Variants in PCDHGB2 observed in about 807,000 individuals in gnomAD.
PCDHGB2 encodes protocadherin gamma subfamily B, 2.
A neutral mutation model predicts 59.3 loss-of-function variants in PCDHGB2; 55 were observed. The ratio of observed to expected loss-of-function variants is 0.93; its 90% CI spans 0.75 to 1.16. PCDHGB2 has a LOEUF of 1.16. PCDHGB2 is among the 50% of genes most tolerant of loss of function. PCDHGB2 has a pLI of 0.00. For synonymous variants in PCDHGB2, 516 were observed against 512.0 expected (o/e 1.01, Z -0.11); for missense variants, 1,228 against 1,198.5 (o/e 1.02, Z -0.36).
At chr5:141,482,561 T>C (rs1411268228) in intron 1 of PCDHGB2, among the ~76,000 whole-genome samples, 3 of 136,978 alleles carry the variant, frequency 2.2e-5, no homozygotes, top group African/African-American at 8.6e-5. Flanking sequence ...ATAATGGAGA[T>C]CTGCATAGCA....
intron 1 of PCDHGB2, chr5:141,383,667 A>G (rs1167694570): frequency 1.9e-6 from 3 of 1,614,020 alleles, no homozygotes; most frequent in Non-Finnish European, 2.5e-6. Context: ...AGAATGTGCC[A>G]GTGGGTACAA....
chr5:141,400,709 G>A (rs1361669405), intron 1 of PCDHGB2: 1 of 696,272 alleles, frequency 1.4e-6, no homozygotes, highest in East Asian at 2.7e-5. Flanking sequence ...AAAAGAAGTA[G>A]CCTTATAGAT....
intron 1 of PCDHGB2, among the ~76,000 whole-genome samples, chr5:141,481,250 C>A (rs1160186962): frequency 2.6e-5 from 4 of 152,144 alleles, no homozygotes; most frequent in Non-Finnish European, 5.9e-5. Context: ...TAGCATAGCT[C>A]TAAAAGATCA....
In PCDHGB2 at chr5:141,414,653, A is replaced by G. The variant is rs2095771118; in HGVS notation, c.2421+52097A>G. ...AGCAAAGAGAATGCCCAGATTATTT[A>G]CTCCCTGGCTGAAGACACCATCCAG... On this transcript the variant is annotated intron_variant, in intron 1 of 3. Coordinates refer to ENST00000522605, the MANE Select transcript of PCDHGB2 (RefSeq NM_018923.3). 6.2e-7 allele frequency: 1 copy of G among 1,613,644 alleles called. No homozygotes were observed.
rs778209794 is a variant in PCDHGB2 at position 141,408,298 on chromosome 5, G to C, written c.2421+45742G>C. The C allele has an allele frequency of 4.3e-6, 7 of 1,613,586 alleles. No homozygotes were observed. The Admixed American group carries it at 5.0e-5, about 12-fold the overall frequency. ...TGTTCTACCCCACCCTGAGTGAGCCGATCCGCTACTCGATTCCGGAGGAGC... is the reference window on the plus strand; with the variant it reads ...TGTTCTACCCCACCCTGAGTGAGCCCATCCGCTACTCGATTCCGGAGGAGC... On this transcript the variant is annotated intron_variant, in intron 1 of 3. Coordinates refer to ENST00000522605, the MANE Select transcript of PCDHGB2 (RefSeq NM_018923.3).
intron 1 of PCDHGB2, chr5:141,364,713 A>G: frequency 6.2e-7 from 1 of 1,613,984 alleles, no homozygotes; most frequent in Non-Finnish European, 8.5e-7. Context: ...GATATTAATG[A>G]TAACTTCCCG....
chr5:141,469,697 T>G (rs2154570403), intron 1 of PCDHGB2, among the ~76,000 whole-genome samples: 1 of 152,392 alleles, frequency 6.6e-6, no homozygotes, highest in African/African-American at 2.4e-5. Context: ...TCCTATGACC[T>G]AGTAATCACA....
chr5:141,374,968 T>C, intron 1 of PCDHGB2: 2 of 1,614,056 alleles, frequency 1.2e-6, no homozygotes, highest in Non-Finnish European at 8.5e-7. Flanking sequence ...TCTGTTTGAA[T>C]GTTTTGACTG....
intron 1 of PCDHGB2, among the ~76,000 whole-genome samples, chr5:141,368,538 C>T (rs1004071983): frequency 6.6e-6 from 1 of 151,336 alleles, no homozygotes; most frequent in Admixed American, 6.6e-5. Context: ...ACTTGCTTTT[C>T]CATTTTTTTT....
intron 1 of PCDHGB2, among the ~76,000 whole-genome samples, chr5:141,481,215 G>T (rs1238465869): frequency 6.6e-6 from 1 of 152,152 alleles, no homozygotes; most frequent in Non-Finnish European, 1.5e-5. Context: ...AACATGGTAA[G>T]GTCTCCCAGC....
chr5:141,464,068 C>A (rs2099075218), intron 1 of PCDHGB2, among the ~76,000 whole-genome samples: 1 of 152,036 alleles, frequency 6.6e-6, no homozygotes, highest in Admixed American at 6.6e-5. Flanking sequence ...AGTTCAAGGC[C>A]AGCCTGGCCA....
chr5:141,431,553 A>T lies in PCDHGB2; in HGVS notation c.2422-63254A>T, dbSNP rs762863300. On this transcript the variant is annotated intron_variant, in intron 1 of 3. Coordinates refer to ENST00000522605, the MANE Select transcript of PCDHGB2 (RefSeq NM_018923.3). The surrounding 1 kb of genome is among the most constrained non-coding windows in gnomAD (Gnocchi z 4.8). Reference sequence around the variant, plus strand: ...TTGGGCACGCAGCTGCTTGTAGTCAACGCTACCGACCCTGACGAAGGAGTC... The same window carrying T: ...TTGGGCACGCAGCTGCTTGTAGTCATCGCTACCGACCCTGACGAAGGAGTC... The T allele has an allele frequency of 1.1e-5, 18 of 1,613,994 alleles. 1 individual carries two copies. Among genetic ancestry groups the T allele is most frequent in the Non-Finnish European group, 3.4e-6 (4 of 1,180,028 alleles).
intron 1 of PCDHGB2, among the ~76,000 whole-genome samples, chr5:141,439,341 G>A (rs1464427300): frequency 6.6e-6 from 1 of 152,166 alleles, no homozygotes; most frequent in East Asian, 1.9e-4. Context: ...AAGATTCTAA[G>A]CCTACAAATA....
At chr5:141,429,240 TGA>T (rs998506084) in intron 1 of PCDHGB2, 1 of 151,858 alleles carries the variant, frequency 6.6e-6, no homozygotes, top group Non-Finnish European at 1.5e-5. Context: ...CTGCTGTCAT[TGA>T]GATATTTTAA....
chr5:141,384,791 C>A (rs773450358), intron 1 of PCDHGB2: 22 of 1,613,424 alleles, frequency 1.4e-5, no homozygotes, highest in Non-Finnish European at 1.9e-5. Flanking sequence ...ACGGCTCGGG[C>A]CCTGCTGGAC....
At chr5:141,371,614 A>T in intron 1 of PCDHGB2, 2 of 1,614,024 alleles carry the variant, frequency 1.2e-6, no homozygotes, top group Non-Finnish European at 1.7e-6. Context: ...TTGGTGACAG[A>T]TGGAGCCCTG....
intron 1 of PCDHGB2, chr5:141,392,651 C>A: frequency 1.4e-6 from 1 of 708,948 alleles, no homozygotes; most frequent in Non-Finnish European, 2.2e-6. Context: ...CGAAGACCCG[C>A]AGATGCCACA....
chr5:141,399,488 TAGTC>T (rs778579612), intron 1 of PCDHGB2: 12 of 1,613,904 alleles, frequency 7.4e-6, no homozygotes, highest in Admixed American at 1.7e-5. Flanking sequence ...GCGTCCTACT[TAGTC>T]AGTGTACCCG....
Position 141,476,870 on chromosome 5 carries a change from C to T in PCDHGB2, c.2422-17937C>T, listed in dbSNP as rs2099400432. 3 of 1,613,772 alleles carry T rather than the reference C, an allele frequency of 1.9e-6. No individual in the cohort carries two copies. Among genetic ancestry groups the T allele is most frequent in the South Asian group, 1.1e-5 (1 of 91,094 alleles). On this transcript the variant is annotated intron_variant, in intron 1 of 3. Coordinates refer to ENST00000522605, the MANE Select transcript of PCDHGB2 (RefSeq NM_018923.3). The surrounding 1 kb of genome is among the most constrained non-coding windows in gnomAD (Gnocchi z 7.6). ...CTTCAACCAGTCCTTGTACCGGGCGCGCGTCCTGGAGGATGCACCCTCCGG... is the reference window on the plus strand; with the variant it reads ...CTTCAACCAGTCCTTGTACCGGGCGTGCGTCCTGGAGGATGCACCCTCCGG...
Sources: gnomAD v4.1 joint callset for allele counts (sites outside exome capture counted in the v4.1 genomes callset) on GRCh38, gnomAD v4.1.1 for gene constraint, Gnocchi (gnomAD v3.1) non-coding constraint, MANE v1.5 for transcripts, NCBI Gene and HGNC (gene_info 2026-07-23, HGNC 2026-07-21) for gene names.